Variants in DERA observed in about 807,000 individuals in gnomAD.
The protein encoded by DERA is 2-deoxy-D-ribose 5-phosphate aldolase.
A neutral mutation model predicts 41.1 loss-of-function variants in DERA; 15 were observed. The ratio of observed to expected loss-of-function variants is 0.37; its 90% CI spans 0.24 to 0.56. The LOEUF (loss-of-function observed/expected upper bound fraction) is 0.56, where lower values mean the gene tolerates loss of function less well. Among genes scored for constraint, DERA ranks in the 20% least tolerant of loss-of-function variants. The pLI is 0.81. For missense variants in DERA, 396 were observed against 403.4 expected (o/e 0.98, Z 0.16); for synonymous variants, 139 against 137.4 (o/e 1.01, Z -0.08).
Position 15,911,891 on chromosome 12 carries a change from C to CA in DERA, c.31+481dup. The CA allele has an allele frequency of 2.4e-6, 1 of 410,158 alleles. No individual in the cohort carries two copies. Among genetic ancestry groups the CA allele is most frequent in the Non-Finnish European group, 4.9e-6 (1 of 206,106 alleles). 25.4% of individuals were successfully genotyped at this position (410,158 alleles called of 1,614,324 possible). A position where few individuals can be genotyped will look rare whatever the true frequency, so the allele number is the denominator to read the frequency against. The stretch of plus-strand genomic sequence containing the variant: ...GGAAAAGTTGTCAGCCGTCTGTGCT[C>CA]AAAATGTAACACTGCAGATTCATGG... On this transcript the variant is annotated intron_variant, in intron 1 of 8. Transcript: ENST00000428559. The surrounding 1 kb of genome is among the most constrained non-coding windows in gnomAD (Gnocchi z 4.5).
chr12:16,034,614 A>G (rs1283774188), intron 7 of DERA, among the ~76,000 whole-genome samples: 3 of 152,180 alleles, frequency 2.0e-5, no homozygotes, highest in African/African-American at 7.2e-5. Flanking sequence ...CTTAGACTAT[A>G]AAGTTTCTAC....
intron 3 of DERA, 113 bp downstream of exon 3, chr12:15,958,448 AG>A (rs1234106301): frequency 1.3e-6 from 1 of 766,092 alleles, no homozygotes; most frequent in Non-Finnish European, 1.9e-6. Context: ...AATCCATGAT[AG>A]AAACTCTTGC....
Position 16,003,069 on chromosome 12 carries a change from G to C in DERA, c.637+20633G>C, listed in dbSNP as rs1201482592. On this transcript the variant is annotated intron_variant, in intron 6 of 8. Coordinates refer to ENST00000428559, the MANE Select transcript of DERA (RefSeq NM_015954.4). This position sits in a 1 kb window ranked among gnomAD's most constrained non-coding sequence, Gnocchi z 4.8. ...CTGAGGGTTAGAAGTCTGAGATAAG[G>C]TGTGAGCAGGGTTAGTTCCTTCTGA... Among the ~76,000 whole-genome samples, 1 of 152,168 alleles carries C rather than the reference G, an allele frequency of 6.6e-6. No homozygotes were observed. The highest frequency in any genetic ancestry group is 1.5e-5 in the Non-Finnish European group (1 of 68,032).
Position 15,995,327 on chromosome 12 carries a change from C to T in DERA, c.637+12891C>T, listed in dbSNP as rs1005893126. ...TAAAAGAGAAAAATGACAGCAAGCC[C>T]GGGGCCACCTGCCTATGATTGGCCC... is the stretch of plus-strand genomic sequence containing the variant. On this transcript the variant is annotated intron_variant, in intron 6 of 8. Transcript: ENST00000428559. The surrounding 1 kb of genome is among the most constrained non-coding windows in gnomAD (Gnocchi z 5.1). Among the ~76,000 whole-genome samples the T allele has an allele frequency of 6.6e-6, 1 of 152,112 alleles. No individual in the cohort carries two copies. Among genetic ancestry groups the T allele is most frequent in the African/African-American group, 2.4e-5 (1 of 41,402 alleles).
chr12:15,990,603 A>G lies in DERA; in HGVS notation c.637+8167A>G, dbSNP rs1948795300. On this transcript the variant is annotated intron_variant, in intron 6 of 8. Transcript: ENST00000428559. The surrounding 1 kb of genome is among the most constrained non-coding windows in gnomAD (Gnocchi z 4.3). ...TTTTTCTGATCCTCTTCCTCCTTCC[A>G]CCCTCCAAACTCCAAAAGACCCCAG... Among the ~76,000 whole-genome samples, 1 of 151,410 alleles carries G rather than the reference A, an allele frequency of 6.6e-6. No homozygotes were observed. The highest frequency in any genetic ancestry group is 2.1e-4 in the South Asian group (1 of 4,794).
In DERA at chr12:16,012,562, G is replaced by C. The variant is rs1480095497; in HGVS notation, c.638-19980G>C. ...AGTGAAATATTCAAATTTGGGAGCAGAGCCGAGTTGTTTAGACAAGAGAGA... is the reference window on the plus strand; with the variant it reads ...AGTGAAATATTCAAATTTGGGAGCACAGCCGAGTTGTTTAGACAAGAGAGA... On this transcript the variant is annotated intron_variant, in intron 6 of 8. Coordinates refer to ENST00000428559, the MANE Select transcript of DERA (RefSeq NM_015954.4). The surrounding 1 kb of genome is among the most constrained non-coding windows in gnomAD (Gnocchi z 4.1). 6.6e-6 allele frequency among the ~76,000 whole-genome samples: 1 copy of C among 152,200 alleles called. No homozygotes were observed. Among genetic ancestry groups the C allele is most frequent in the Non-Finnish European group, 1.5e-5 (1 of 68,028 alleles).
rs997811892 is a variant in DERA, at chr12:15,985,301, A to AG, written c.637+2866dup. On this transcript the variant is annotated intron_variant, in intron 6 of 8. Transcript: ENST00000428559. This position sits in a 1 kb window ranked among gnomAD's most constrained non-coding sequence, Gnocchi z 4.2. ...GCCCTCACTAAAAATAAGAGATAAG[A>AG]GATCTTAAGGAGTTTGCCTAGAAGT... 1 of 152,248 alleles carries AG rather than the reference A, an allele frequency of 6.6e-6. No individual in the cohort carries two copies. Among genetic ancestry groups the AG allele is most frequent in the Admixed American group, 6.5e-5 (1 of 15,284 alleles). The allele number at this position is 152,248 out of a possible 1,614,324, so 9.4% of individuals were successfully genotyped here. A position where few individuals can be genotyped will look rare whatever the true frequency, so the allele number is the denominator to read the frequency against.
intron 1 of DERA, among the ~76,000 whole-genome samples, chr12:15,919,980 G>GTT (rs147982451): frequency 2.6e-5 from 4 of 151,222 alleles, no homozygotes; most frequent in African/African-American, 9.7e-5. Flanking sequence ...ATGTGTGTGT[G>GTT]TGTGTGTGTG....
chr12:16,010,935 G>C lies in DERA; in HGVS notation c.638-21607G>C, dbSNP rs911159895. 7.9e-5 allele frequency among the ~76,000 whole-genome samples: 12 copies of C among 151,982 alleles called. No individual in the cohort carries two copies. The highest frequency in any genetic ancestry group is 2.9e-4 in the African/African-American group (12 of 41,274). The stretch of plus-strand genomic sequence containing the variant: ...AAGATTTATGATGACATTGAGGTAT[G>C]ATAATCTCAAATACGTTCTGCATTG... On this transcript the variant is annotated intron_variant, in intron 6 of 8. Transcript: ENST00000428559. The surrounding 1 kb of genome is among the most constrained non-coding windows in gnomAD (Gnocchi z 5.5).
chr12:16,001,814 A>T lies in DERA; in HGVS notation c.637+19378A>T, dbSNP rs1264383993. ...GAGTCAGAAGTGGCAGGCACACTAGACGAAGCAGCATTTTGCTGGAGACTT... is the reference window on the plus strand; with the variant it reads ...GAGTCAGAAGTGGCAGGCACACTAGTCGAAGCAGCATTTTGCTGGAGACTT... On this transcript the variant is annotated intron_variant, in intron 6 of 8. Transcript: ENST00000428559. This position sits in a 1 kb window ranked among gnomAD's most constrained non-coding sequence, Gnocchi z 4.1. Among the ~76,000 whole-genome samples, 2 of 152,180 alleles carry T rather than the reference A, an allele frequency of 1.3e-5. No homozygotes were observed. The highest frequency in any genetic ancestry group is 4.8e-5 in the African/African-American group (2 of 41,424).
intron 1 of DERA, among the ~76,000 whole-genome samples, chr12:15,937,189 C>T (rs1049797667): frequency 1.3e-5 from 2 of 152,138 alleles, no homozygotes; most frequent in Admixed American, 1.3e-4. Context: ...CTCCTGGGCT[C>T]TAGCGATCTT....
chr12:16,006,053 TATTTAAAGG>T (rs1948908340), intron 6 of DERA, among the ~76,000 whole-genome samples: 1 of 152,246 alleles, frequency 6.6e-6, no homozygotes, highest in African/African-American at 2.4e-5. Flanking sequence ...AAGTTAAGTC[TATTTAAAGG>T]ATGTAACACG....
At chr12:15,953,333 T>G (rs1231707360) in intron 1 of DERA, among the ~76,000 whole-genome samples, 2 of 152,196 alleles carry the variant, frequency 1.3e-5, no homozygotes, top group African/African-American at 4.8e-5. Context: ...TGTTACATGC[T>G]TTAGGAATAC....
In DERA at chr12:15,958,326, C is replaced by T. The variant is rs1489719967; in HGVS notation, c.268C>T (p.His90Tyr). ...REDLLKALNM[H>Y]DKGITTAAVC... ...AGATCTCTTAAAAGCTTTAAATATGCATGATAAAGGTAATGTTGTTGTGTG... is the reference window on the plus strand; with the variant it reads ...AGATCTCTTAAAAGCTTTAAATATGTATGATAAAGGTAATGTTGTTGTGTG... Residue 90 changes from histidine (H) to tyrosine (Y), a missense_variant, in exon 3 of 9, where the codon CAT (histidine) becomes TAT (tyrosine). Physicochemically the swap from His to Tyr is moderately conservative, Grantham distance 83 (BLOSUM62 2). Coordinates refer to ENST00000428559, the MANE Select transcript of DERA (RefSeq NM_015954.4). 1 of 1,601,694 alleles carries T rather than the reference C, an allele frequency of 6.2e-7. No individual in the cohort carries two copies. The highest frequency in any genetic ancestry group is 8.5e-7 in the Non-Finnish European group (1 of 1,174,678).
At position 15,949,983 on chromosome 12, in the gene DERA, G is replaced by A. The variant is rs76127970; in HGVS notation, c.32-6953G>A. Among the ~76,000 whole-genome samples, 1,371 of 152,064 alleles carry A rather than the reference G, an allele frequency of 9.0e-3. 28 individuals are homozygous for A. Among genetic ancestry groups the A allele is most frequent in the East Asian group, 0.078 (402 of 5,158 alleles). ...CTTGTCACCCTCTCTTCCATTTCCC[G>A]TACCTGGCCTTGCCTACTTTCCCCT... On this transcript the variant is annotated intron_variant, in intron 1 of 8. Transcript: ENST00000428559.
chr12:16,008,815 G>T lies in DERA; in HGVS notation c.638-23727G>T, dbSNP rs1277786963. 6.6e-6 allele frequency among the ~76,000 whole-genome samples: 1 copy of T among 152,206 alleles called. No homozygotes were observed. The highest frequency in any genetic ancestry group is 1.5e-5 in the Non-Finnish European group (1 of 68,046). ...GAATAGGAAGAAAAGCAATGAAGGT[G>T]CCATTTCGTATTGAAGGAAATAGTT... On this transcript the variant is annotated intron_variant, in intron 6 of 8. Coordinates refer to ENST00000428559, the MANE Select transcript of DERA (RefSeq NM_015954.4). This position sits in a 1 kb window ranked among gnomAD's most constrained non-coding sequence, Gnocchi z 4.8.
chr12:16,029,343 A>C (rs1949074768), intron 6 of DERA, among the ~76,000 whole-genome samples: 2 of 152,132 alleles, frequency 1.3e-5, no homozygotes, highest in African/African-American at 4.8e-5. Context: ...GAATGGCGTG[A>C]ACCCGGGAGG....
Position 15,959,830 on chromosome 12 carries a change from C to T in DERA, c.279C>T (p.Gly93=), listed in dbSNP as rs966073823. 7 of 1,539,928 alleles carry T rather than the reference C, an allele frequency of 4.5e-6. No homozygotes were observed. In the African/African-American group the frequency reaches 6.9e-5, roughly 15 times the overall value. The part of the protein sequence containing the change: ...LLKALNMHDK[G]ITTAAVCVYP... ...GCTATTCCTATTTTTTCTTGATAGG[C>T]ATTACTACAGCCGCCGTTTGTGTTT... The change falls in exon 4 of 9, where the codon GGC becomes GGT. Residue 93 remains glycine (G), a splice_region_variant and synonymous_variant. Transcript: ENST00000428559. The surrounding 1 kb of genome is among the most constrained non-coding windows in gnomAD (Gnocchi z 4.5).
Position 15,966,046 on chromosome 12 carries a change from C to T in DERA, c.508+3099C>T, listed in dbSNP as rs374106477. On this transcript the variant is annotated intron_variant, in intron 5 of 8. Transcript: ENST00000428559. The surrounding 1 kb of genome is among the most constrained non-coding windows in gnomAD (Gnocchi z 5.1). ...ATGCTGGCTTTCCTTTTCCTTCATC[C>T]CCAGCAACGTCCTCCTTTCTTCTCT... Among the ~76,000 whole-genome samples the T allele has an allele frequency of 3.3e-5, 5 of 152,120 alleles. No homozygotes were observed. In the East Asian group the frequency reaches 7.7e-4, roughly 23 times the overall value.
Sources: allele counts gnomAD v4.1 joint callset (sites outside exome capture counted in the v4.1 genomes callset), GRCh38; gene constraint gnomAD v4.1.1; non-coding constraint Gnocchi (gnomAD v3.1); transcripts MANE v1.5; gene names NCBI Gene and HGNC (gene_info 2026-07-23, HGNC 2026-07-21).